The following ABTB3 variants were observed in gnomAD, a reference collection of about 807,000 sequenced individuals.
The protein encoded by ABTB3 is ankyrin repeat- and BTB/POZ domain-containing protein 3.
chr12:107,319,437 T>C, the ABTB3 span: 1 of 1,607,356 alleles, frequency 6.2e-7, no homozygotes, highest in Non-Finnish European at 8.5e-7. Context: ...CAGAGCGCCA[T>C]GGAGATCGTG....
chr12:107,580,812 A>T, the ABTB3 span: 3 of 1,516,766 alleles, frequency 2.0e-6, no homozygotes, highest in Admixed American at 2.0e-5. Context: ...GCTTCAAGTG[A>T]CTCATCCTTA....
chr12:107,506,111 G>A, the ABTB3 span, among the ~76,000 whole-genome samples: 8 of 152,168 alleles, frequency 5.3e-5, no homozygotes, highest in South Asian at 1.7e-3. Context: ...TCGCCATACT[G>A]TCTTCCACAA....
the ABTB3 span, among the ~76,000 whole-genome samples, chr12:107,383,404 G>A: frequency 6.6e-6 from 1 of 152,316 alleles, no homozygotes; most frequent in African/African-American, 2.4e-5. Context: ...GCCTGGGGTG[G>A]AATCCTGCTT....
chr12:107,372,587 A>C, the ABTB3 span, among the ~76,000 whole-genome samples: 2 of 152,098 alleles, frequency 1.3e-5, no homozygotes, highest in Non-Finnish European at 2.9e-5. Flanking sequence ...GACCTCCTCT[A>C]CAACCATTCG....
At chr12:107,444,421 C>T in the ABTB3 span, among the ~76,000 whole-genome samples, 2 of 152,192 alleles carry the variant, frequency 1.3e-5, no homozygotes, top group South Asian at 4.2e-4. Context: ...TGACCAGCAC[C>T]TAACTGTGCT....
chr12:107,441,589 C>T, the ABTB3 span, among the ~76,000 whole-genome samples: 43 of 151,982 alleles, frequency 2.8e-4, no homozygotes, highest in Admixed American at 2.8e-3. Context: ...CAAACCTGCA[C>T]ATTCTGCATA....
chr12:107,586,233 C>A, the ABTB3 span, among the ~76,000 whole-genome samples: 2 of 152,102 alleles, frequency 1.3e-5, no homozygotes, highest in Non-Finnish European at 2.9e-5. Context: ...CATAAGCCAA[C>A]TAGAGCTGCA....
the ABTB3 span, among the ~76,000 whole-genome samples, chr12:107,421,745 C>A: frequency 1.3e-5 from 2 of 152,164 alleles, no homozygotes; most frequent in African/African-American, 4.8e-5. Context: ...CCACTTCGGC[C>A]TAGAGGTGAG....
the ABTB3 span, among the ~76,000 whole-genome samples, chr12:107,477,976 G>A: frequency 6.6e-6 from 1 of 152,178 alleles, no homozygotes; most frequent in Non-Finnish European, 1.5e-5. Flanking sequence ...TGAGACCTGA[G>A]GGGAATTTCC....
At chr12:107,610,397 A>G in the ABTB3 span, 3 of 1,605,234 alleles carry the variant, frequency 1.9e-6, no homozygotes, top group Non-Finnish European at 2.6e-6. Context: ...CACCTCCTCC[A>G]TGTGCATCAC....
the ABTB3 span, among the ~76,000 whole-genome samples, chr12:107,447,561 G>C: frequency 3.3e-5 from 5 of 152,198 alleles, no homozygotes; most frequent in Non-Finnish European, 7.3e-5. Flanking sequence ...GGAGATGCAG[G>C]CAGTGAGAAA....
chr12:107,482,661 G>A, the ABTB3 span, among the ~76,000 whole-genome samples: 3 of 152,036 alleles, frequency 2.0e-5, no homozygotes, highest in South Asian at 4.2e-4. Flanking sequence ...CAGCACTGGC[G>A]GCCTCTCCTG....
the ABTB3 span, among the ~76,000 whole-genome samples, chr12:107,467,201 G>C: frequency 1.3e-5 from 2 of 152,164 alleles, no homozygotes; most frequent in Admixed American, 6.5e-5. Flanking sequence ...CAAGTTTGCT[G>C]TCTGAAGAGT....
chr12:107,598,392 T>C, the ABTB3 span, among the ~76,000 whole-genome samples: 1 of 152,230 alleles, frequency 6.6e-6, no homozygotes, highest in African/African-American at 2.4e-5. Flanking sequence ...TACTTACGTT[T>C]TGTTGGTGAG....
the ABTB3 span, among the ~76,000 whole-genome samples, chr12:107,423,908 C>T: frequency 1.3e-5 from 2 of 152,182 alleles, no homozygotes; most frequent in East Asian, 3.9e-4. Context: ...GAGTTGTTTT[C>T]TTTGGATAGT....
At chr12:107,520,676 C>T in the ABTB3 span, 1 of 1,606,512 alleles carries the variant, frequency 6.2e-7, no homozygotes, top group African/African-American at 1.3e-5. Flanking sequence ...TGCCTCAAGA[C>T]ATATCCTGTC....
At chr12:107,573,125 C>T in the ABTB3 span, among the ~76,000 whole-genome samples, 2 of 152,200 alleles carry the variant, frequency 1.3e-5, no homozygotes, top group African/African-American at 4.8e-5. Context: ...AGCACTGACT[C>T]TATCCATGAG....
At chr12:107,339,383 T>C in the ABTB3 span, among the ~76,000 whole-genome samples, 2 of 152,238 alleles carry the variant, frequency 1.3e-5, no homozygotes, top group African/African-American at 2.4e-5. Flanking sequence ...GTGAGAGACA[T>C]GCCTCTAGAC....
the ABTB3 span, among the ~76,000 whole-genome samples, chr12:107,630,110 A>C: frequency 3.3e-5 from 5 of 152,230 alleles, no homozygotes; most frequent in African/African-American, 1.2e-4. Context: ...TCAAGGATGC[A>C]GCGGGGAGTT....
Sources: gnomAD v4.1 joint callset for allele counts (sites outside exome capture counted in the v4.1 genomes callset) on GRCh38, gnomAD v4.1.1 for gene constraint, MANE v1.5 for transcripts, NCBI Gene and HGNC (gene_info 2026-07-23, HGNC 2026-07-21) for gene names.